The following CAPN3 variants were observed in gnomAD, a reference collection of about 807,000 sequenced individuals.
CAPN3 encodes the protein calpain 3, also known as calpain-3.
CAPN3 carries 88 observed loss-of-function variants against 114.0 expected under a neutral mutation model. That is an observed-to-expected ratio of 0.77 (90% confidence interval 0.65 to 0.92). CAPN3 has a LOEUF of 0.92. CAPN3 is among the 40% of genes least tolerant of loss of function. CAPN3 has a pLI of 0.00. For missense variants in CAPN3, 1,028 were observed against 1,069.0 expected (o/e 0.96, Z 0.53); for synonymous variants, 386 against 382.9 (o/e 1.01, Z -0.09).
At chr15:42,394,434 T>A in intron 8 of CAPN3, 93 bp downstream of exon 8, 1 of 1,001,316 alleles carries the variant, frequency 1.0e-6, no homozygotes, top group Non-Finnish European at 1.5e-6. Flanking sequence ...GTATTGAAGA[T>A]GCTTGGTATA....
In CAPN3 at chr15:42,396,839, C is replaced by T. The variant is rs2053708728; in HGVS notation, c.1155C>T (p.Ala385=). ...GCTTTGTGGACAAAGATGAGAAGGC[C>T]CGTCTGCAGCACCAGGTCACTGAGG... is the stretch of plus-strand genomic sequence containing the variant. ...DWSFVDKDEK[A]RLQHQVTEDG... is the part of the protein sequence containing the mutation. Residue 385 remains alanine, a synonymous_variant, in exon 9 of 24, where the codon GCC becomes GCT. Transcript: ENST00000397163. The T allele has an allele frequency of 6.2e-7, 1 of 1,614,048 alleles. No homozygotes were observed. Among genetic ancestry groups the T allele is most frequent in the Admixed American group, 1.7e-5 (1 of 60,008 alleles).
intron 3 of CAPN3, among the ~76,000 whole-genome samples, chr15:42,387,179 C>T (rs1166954421): frequency 6.6e-6 from 1 of 152,196 alleles, no homozygotes; most frequent in African/African-American, 2.4e-5. Flanking sequence ...GGAGACTAAA[C>T]CACATTTGGC....
intron 1 of CAPN3, 28 bp downstream of exon 1, chr15:42,360,142 GT>G (rs756905810): frequency 1.2e-6 from 2 of 1,613,558 alleles, no homozygotes; most frequent in Admixed American, 3.3e-5. Flanking sequence ...TGCTGGCTGG[GT>G]TTTCCCCCCA....
chr15:42,381,414 G>C (rs1467858716), intron 1 of CAPN3, among the ~76,000 whole-genome samples: 2 of 152,166 alleles, frequency 1.3e-5, no homozygotes, highest in Non-Finnish European at 2.9e-5. Context: ...ACAGTTTACA[G>C]TCTTTCCATA....
rs1216444112 is a variant in CAPN3 at position 42,410,715 on chromosome 15, G to T, written c.2263+49G>T. ...GGGATGTGGACCCGAGACGGTGGGA[G>T]CAGGAATGGGAGGGGACTAGGCTAC... On this transcript the variant is annotated intron_variant, in intron 21 of 23. Coordinates refer to ENST00000397163, the MANE Select transcript of CAPN3 (RefSeq NM_000070.3). 6 of 1,515,582 alleles carry T rather than the reference G, an allele frequency of 4.0e-6. No individual in the cohort carries two copies. In the African/African-American group the frequency reaches 6.9e-5, roughly 17 times the overall value. 93.9% of individuals were successfully genotyped at this position (1,515,582 alleles called of 1,614,324 possible). A position where few individuals can be genotyped will look rare whatever the true frequency, so the allele number is the denominator to read the frequency against.
At chr15:42,396,487 A>G in intron 8 of CAPN3, among the ~76,000 whole-genome samples, 1 of 151,960 alleles carries the variant, frequency 6.6e-6, no homozygotes, top group East Asian at 1.9e-4. Context: ...TGATCCGCCC[A>G]CCTCGGCCTC....
At chr15:42,404,200 G>C (rs2053957623) in intron 14 of CAPN3, 4 of 457,888 alleles carry the variant, frequency 8.7e-6, no homozygotes, top group Non-Finnish European at 1.3e-5. Context: ...GGGTGACCTG[G>C]ACAATTTCTG....
At chr15:42,384,697 G>C in intron 2 of CAPN3, 145 bp downstream of exon 2, 1 of 703,306 alleles carries the variant, frequency 1.4e-6, no homozygotes, top group Non-Finnish European at 2.6e-6. Flanking sequence ...CTTTATGGTC[G>C]TTTATCTACA....
intron 1 of CAPN3, among the ~76,000 whole-genome samples, chr15:42,361,722 G>A (rs967155591): frequency 6.6e-6 from 1 of 152,140 alleles, no homozygotes; most frequent in Admixed American, 6.5e-5. Flanking sequence ...CCAAGCCATA[G>A]GCCCTTCTCA....
intron 12 of CAPN3, 29 bp downstream of exon 12, chr15:42,402,164 TG>T: frequency 6.2e-7 from 1 of 1,614,010 alleles, no homozygotes; most frequent in Non-Finnish European, 8.5e-7. Flanking sequence ...CCAGCAGTTG[TG>T]TGCAGCACTA....
chr15:42,384,696 C>CAGGA, intron 2 of CAPN3, 144 bp downstream of exon 2: 1 of 702,214 alleles, frequency 1.4e-6, no homozygotes, highest in East Asian at 2.6e-5. Context: ...GCTTTATGGT[C>CAGGA]GTTTATCTAC....
intron 2 of CAPN3, among the ~76,000 whole-genome samples, chr15:42,385,179 A>T (rs558870230): frequency 1.1e-4 from 16 of 152,322 alleles, no homozygotes; most frequent in South Asian, 8.3e-4. Flanking sequence ...AATTGGAGAG[A>T]ACACCAACAG....
chr15:42,401,596 T>G, intron 10 of CAPN3, 45 bp from the exon 11 acceptor site: 1 of 1,585,578 alleles, frequency 6.3e-7, no homozygotes, highest in Admixed American at 1.7e-5. Flanking sequence ...CTTCCTGCCC[T>G]CTGAGAGGCA....
chr15:42,407,260 C>G (rs1381956942), intron 15 of CAPN3, among the ~76,000 whole-genome samples: 10 of 152,092 alleles, frequency 6.6e-5, no homozygotes, highest in Admixed American at 6.5e-4. Flanking sequence ...TCATTTGATC[C>G]CCACAAGAGC....
rs558925493 is a variant in CAPN3 at position 42,360,064 on chromosome 15, C to G, written c.259C>G (p.Leu87Val). ...DPEFPPDETS[L>V]FYSQKFPIQF... ...TGAGTTCCCACCGGATGAGACCTCT[C>G]TCTTTTATAGCCAGAAGTTCCCCAT... Residue 87 changes from leucine to valine, a missense_variant, in exon 1 of 24, where the codon CTC becomes GTC. Transcript: ENST00000397163. The G allele has an allele frequency of 7.5e-5, 121 of 1,614,234 alleles. No individual in the cohort carries two copies. In the South Asian group the frequency reaches 7.9e-4, roughly 11 times the overall value.
At chr15:42,373,956 T>C (rs2053021602) in intron 1 of CAPN3, among the ~76,000 whole-genome samples, 1 of 152,238 alleles carries the variant, frequency 6.6e-6, no homozygotes, top group Non-Finnish European at 1.5e-5. Flanking sequence ...TAAGCCTCTC[T>C]GTAACTATAG....
At chr15:42,403,647 G>A in intron 13 of CAPN3, 94 bp from the exon 14 acceptor site, 1 of 1,193,334 alleles carries the variant, frequency 8.4e-7, no homozygotes. Flanking sequence ...TTCTGGCTTG[G>A]CTGCCAGGAA....
intron 1 of CAPN3, among the ~76,000 whole-genome samples, chr15:42,383,591 G>A (rs1027845905): frequency 2.6e-5 from 4 of 152,038 alleles, no homozygotes; most frequent in African/African-American, 7.3e-5. Context: ...CCAGCCTGGC[G>A]ACACAGTGAG....
At chr15:42,400,311 C>A (rs566316042) in intron 10 of CAPN3, among the ~76,000 whole-genome samples, 73 of 152,058 alleles carry the variant, frequency 4.8e-4, no homozygotes, top group Admixed American at 5.9e-4. Context: ...AAAACCTAGA[C>A]CAAGTCAGTA....
Sources: allele counts gnomAD v4.1 joint callset (sites outside exome capture counted in the v4.1 genomes callset), GRCh38; gene constraint gnomAD v4.1.1; transcripts MANE v1.5; gene names NCBI Gene and HGNC (gene_info 2026-07-23, HGNC 2026-07-21).